The following CXXC4 variants were observed in gnomAD, a reference collection of about 807,000 sequenced individuals.
CXXC4 encodes CXXC-type zinc finger protein 4.
In CXXC4, 5 loss-of-function variants were observed where a neutral mutation model predicts 20.5. That is an observed-to-expected ratio of 0.24 (90% CI 0.13 to 0.51). The LOEUF is 0.51. CXXC4 is among the 20% of genes least tolerant of loss of function. The pLI is 0.97. For synonymous variants in CXXC4, 250 were observed against 216.4 expected, an observed-to-expected ratio of 1.16 and a Z score of -1.36; for missense variants, 419 against 496.4, an observed-to-expected ratio of 0.84 and a Z score of 1.48.
intron 2 of CXXC4, among the ~76,000 whole-genome samples, chr4:104,481,649 G>A (rs535457565): frequency 1.3e-5 from 2 of 152,102 alleles, no homozygotes; most frequent in Non-Finnish European, 2.9e-5. Context: ...AACATTTAGG[G>A]TTCTTTAAGC....
Position 104,472,362 on chromosome 4 carries a change from G to T in CXXC4, c.1064C>A (p.Thr355Lys). The change falls in exon 3 of 3, where the codon ACA becomes AAA. Residue 355 changes from threonine (T) to lysine (K), a missense_variant. Around this residue, in one of 3 missense-constraint regions of CXXC4, gnomAD observed 16 missense variants for 17.4 expected, o/e 0.92. Transcript: ENST00000394767. ...KKKPGTSLER[T>K]PVPSAEAFRW... is the part of the protein sequence containing the mutation. ...GAATGCTTCAGCGCTGGGAACAGGTGTTCTCTATAAAAAAAGAGCAAGAAA... is the reference window on the plus strand; with the variant it reads ...GAATGCTTCAGCGCTGGGAACAGGTTTTCTCTATAAAAAAAGAGCAAGAAA... The T allele has an allele frequency of 6.3e-7, 1 of 1,599,466 alleles. No homozygotes were observed. The highest frequency in any genetic ancestry group is 8.5e-7 in the Non-Finnish European group (1 of 1,172,174).
rs1313156371 is a variant in CXXC4 at position 104,470,764 on chromosome 4, A to C, written c.*1558T>G. On this transcript the variant is annotated 3_prime_UTR_variant, in exon 3 of 3. Transcript: ENST00000394767. The stretch of plus-strand genomic sequence containing the variant: ...GCAGTAGGTAACTTTGATACTCTAC[A>C]TATTTTTGCTAAACCCTGTTCTACT... 2.0e-5 allele frequency: 3 copies of C among 152,096 alleles called. No individual in the cohort carries two copies. Among genetic ancestry groups the C allele is most frequent in the Non-Finnish European group, 2.9e-5 (2 of 67,994 alleles). The allele number at this position is 152,096 out of a possible 1,614,324, so 9.4% of individuals were successfully genotyped here.
At chr4:104,479,015 A>G (rs575030259) in intron 2 of CXXC4, among the ~76,000 whole-genome samples, 2 of 152,194 alleles carry the variant, frequency 1.3e-5, no homozygotes, top group South Asian at 2.1e-4. Context: ...ATATGTGTGT[A>G]TAAAAGTTCA....
At chr4:104,481,410 G>A (rs1433593290) in intron 2 of CXXC4, among the ~76,000 whole-genome samples, 1 of 152,064 alleles carries the variant, frequency 6.6e-6, no homozygotes, top group Non-Finnish European at 1.5e-5. Context: ...GCGTATGCCT[G>A]TAATTGCAGC....
chr4:104,486,056 G>A (rs1328278454), intron 2 of CXXC4, among the ~76,000 whole-genome samples: 2 of 151,908 alleles, frequency 1.3e-5, no homozygotes, highest in Non-Finnish European at 2.9e-5. Flanking sequence ...TTTGTTTGAT[G>A]ATGGTTGAAT....
In CXXC4 at chr4:104,491,090, G is replaced by C. The variant is rs1188735288; in HGVS notation, c.713C>G (p.Ala238Gly). The C allele has an allele frequency of 6.2e-7, 1 of 1,614,032 alleles. No individual in the cohort carries two copies. Among genetic ancestry groups the C allele is most frequent in the African/African-American group, 1.3e-5 (1 of 74,934 alleles). The change falls in exon 2 of 3, where the codon GCT becomes GGT. Residue 238 changes from alanine to glycine, a missense_variant. This residue lies in a region of CXXC4 where 388 missense variants were observed against 416.0 expected (regional missense o/e 0.93). Coordinates refer to ENST00000394767, the MANE Select transcript of CXXC4 (RefSeq NM_025212.4). ...NLPERVGTFS[A>G]IPALGGISLP... is the part of the protein sequence containing the mutation. Reference sequence around the variant, plus strand: ...TGAGATGCCCCCTAAAGCCGGGATAGCGGAAAAAGTCCCCACGCGCTCGGG... The same window carrying C: ...TGAGATGCCCCCTAAAGCCGGGATACCGGAAAAAGTCCCCACGCGCTCGGG...
In CXXC4 at chr4:104,491,269, C is replaced by A; in HGVS notation, c.534G>T (p.Arg178Ser). 6.2e-7 allele frequency: 1 copy of A among 1,612,214 alleles called. No individual in the cohort carries two copies. ...CTGGCGGGCAGCCAGCTTTCCCCAG[C>A]CTCTGGGAGTCGTTTCGGTGGTGCA... is the stretch of plus-strand genomic sequence containing the variant. Reference protein sequence around the residue: ...TSMHHRNDSQRLGKAGCPPEP... With the variant: ...TSMHHRNDSQSLGKAGCPPEP... Residue 178 changes from arginine to serine, a missense_variant, in exon 2 of 3, where the codon AGG becomes AGT. By Grantham distance (110) the Arg-to-Ser change is moderately radical (BLOSUM62 -1). This residue lies in a region of CXXC4 where 388 missense variants were observed against 416.0 expected (regional missense o/e 0.93). Transcript: ENST00000394767.
At position 104,491,428 on chromosome 4, in the gene CXXC4, T is replaced by TCCGCCG. The variant is rs924648643; in HGVS notation, c.369_374dup (p.Gly133_Gly134dup). 4.4e-5 allele frequency: 36 copies of TCCGCCG among 823,366 alleles called. No individual in the cohort carries two copies. Among genetic ancestry groups the TCCGCCG allele is most frequent in the Admixed American group, 2.2e-4 (4 of 18,204 alleles). 51.0% of individuals were successfully genotyped at this position (823,366 alleles called of 1,614,324 possible). On this transcript the variant is annotated inframe_insertion, in exon 2 of 3. Transcript: ENST00000394767. ...CGCCCCCACCACCCCCGCCCCCGCC[T>TCCGCCG]CCGCCGCCGCCGCCGCCGCCGCCAC...
intron 2 of CXXC4, among the ~76,000 whole-genome samples, chr4:104,486,331 T>C (rs1736694346): frequency 6.6e-6 from 1 of 152,092 alleles, no homozygotes; most frequent in African/African-American, 2.4e-5. Flanking sequence ...TTAAATCCAG[T>C]GATGGAAAAA....
chr4:104,480,502 C>T (rs1269175205), intron 2 of CXXC4, among the ~76,000 whole-genome samples: 1 of 152,028 alleles, frequency 6.6e-6, no homozygotes, highest in African/African-American at 2.4e-5. Flanking sequence ...CCCATCTTGG[C>T]CTTTCTATGT....
intron 2 of CXXC4, among the ~76,000 whole-genome samples, chr4:104,481,302 G>A (rs1736552706): frequency 6.6e-6 from 1 of 152,142 alleles, no homozygotes; most frequent in Non-Finnish European, 1.5e-5. Context: ...GGCTGGGGTG[G>A]GCGGATTACA....
Position 104,471,770 on chromosome 4 carries a change from T to C in CXXC4, c.*552A>G, listed in dbSNP as rs1183133167. On this transcript the variant is annotated 3_prime_UTR_variant, in exon 3 of 3. Transcript: ENST00000394767. ...AAATGGTGCCAGTGCTGTTGCTGCT[T>C]CTAAACCACTGGCAAAAAATAGTTA... 1.3e-5 allele frequency: 2 copies of C among 152,070 alleles called. No individual in the cohort carries two copies. Among genetic ancestry groups the C allele is most frequent in the African/African-American group, 4.8e-5 (2 of 41,434 alleles). 9.4% of individuals were successfully genotyped at this position (152,070 alleles called of 1,614,324 possible). A position where few individuals can be genotyped will look rare whatever the true frequency, so the allele number is the denominator to read the frequency against.
At chr4:104,472,391 A>C in intron 2 of CXXC4, 25 bp from the exon 3 acceptor site, 1 of 1,567,310 alleles carries the variant, frequency 6.4e-7, no homozygotes, top group Non-Finnish European at 8.7e-7. Context: ...CAAGAAAACA[A>C]GTTAAGCTTT....
chr4:104,476,537 T>C (rs1041267735), intron 2 of CXXC4, among the ~76,000 whole-genome samples: 2 of 152,182 alleles, frequency 1.3e-5, no homozygotes, highest in Non-Finnish European at 2.9e-5. Flanking sequence ...CTTAAAACTT[T>C]TAATAATATT....
In CXXC4 at chr4:104,491,687, A is replaced by C; in HGVS notation, c.116T>G (p.Met39Arg). The part of the protein sequence containing the change: ...LNSLVDYNSE[M>R]ERYRSFATSF... ...GGTGGCAAAGGAGCGGTAGCGCTCC[A>C]TTTCCGAGTTGTAATCCACAAGGCT... The change falls in exon 2 of 3, where the codon ATG becomes AGG. Residue 39 changes from methionine (M) to arginine (R), a missense_variant. This residue lies in a region of CXXC4 where 388 missense variants were observed against 416.0 expected (regional missense o/e 0.93). Transcript: ENST00000394767. 1 of 1,546,072 alleles carries C rather than the reference A, an allele frequency of 6.5e-7. No homozygotes were observed. Among genetic ancestry groups the C allele is most frequent in the East Asian group, 2.5e-5 (1 of 40,410 alleles).
At chr4:104,490,635 C>G (rs1200406724) in intron 2 of CXXC4, 109 bp downstream of exon 2, 5 of 1,033,338 alleles carry the variant, frequency 4.8e-6, no homozygotes, top group Non-Finnish European at 7.2e-6. Flanking sequence ...CTGAATGAAG[C>G]TTCTGAGAAG....
rs926300510 is a variant in CXXC4, at chr4:104,469,603, T to C, written c.*2719A>G. The C allele has an allele frequency of 2.6e-5, 4 of 152,012 alleles. No homozygotes were observed. Among genetic ancestry groups the C allele is most frequent in the African/African-American group, 9.7e-5 (4 of 41,412 alleles). The allele number at this position is 152,012 out of a possible 1,614,324, so 9.4% of individuals were successfully genotyped here. On this transcript the variant is annotated 3_prime_UTR_variant, in exon 3 of 3. Coordinates refer to ENST00000394767, the MANE Select transcript of CXXC4 (RefSeq NM_025212.4). The stretch of plus-strand genomic sequence containing the variant: ...GCCTTAGGTTTATAATGATAAGCTT[T>C]AGAAGTTCTCAGTACAGGGACATAT...
Position 104,468,418 on chromosome 4 carries a change from T to C in CXXC4, c.*3904A>G, listed in dbSNP as rs2110266126. ...CTTTTTTTTTTTTTTTACAGTTTTGTACATGCCCCATAAGTAATTTTCTTT... is the reference window on the plus strand; with the variant it reads ...CTTTTTTTTTTTTTTTACAGTTTTGCACATGCCCCATAAGTAATTTTCTTT... On this transcript the variant is annotated 3_prime_UTR_variant, in exon 3 of 3. Transcript: ENST00000394767. 6.6e-6 allele frequency: 1 copy of C among 150,456 alleles called. No homozygotes were observed. Among genetic ancestry groups the C allele is most frequent in the East Asian group, 1.9e-4 (1 of 5,148 alleles). The allele number at this position is 150,456 out of a possible 1,614,324, so 9.3% of individuals were successfully genotyped here. A position where few individuals can be genotyped will look rare whatever the true frequency, so the allele number is the denominator to read the frequency against.
chr4:104,486,109 A>G (rs897466566), intron 2 of CXXC4, among the ~76,000 whole-genome samples: 1 of 151,988 alleles, frequency 6.6e-6, no homozygotes, highest in African/African-American at 2.4e-5. Context: ...AATTTTAATT[A>G]CTTTATTTTA....
Sources: gnomAD v4.1 joint callset for allele counts (sites outside exome capture counted in the v4.1 genomes callset) on GRCh38, gnomAD v4.1.1 for gene constraint, gnomAD v4.1.1 regional missense constraint, MANE v1.5 for transcripts, NCBI Gene and HGNC (gene_info 2026-07-23, HGNC 2026-07-21) for gene names.